ATRNL1: variants seen among roughly 807,000 people sequenced by gnomAD.
The protein encoded by ATRNL1 is attractin-like protein 1.
In ATRNL1, 95 loss-of-function variants were observed where a neutral mutation model predicts 182.7. That is an observed-to-expected ratio of 0.52 (90% CI 0.44 to 0.62). The LOEUF is 0.62. ATRNL1 is among the 20% of genes least tolerant of loss of function. The probability of loss-of-function intolerance (pLI) is 0.00; values close to 1 mark genes in which losing one functional copy is unlikely to be tolerated. For missense variants in ATRNL1, 1,471 were observed against 1,679.5 expected (o/e 0.88, Z 2.17); for synonymous variants, 576 against 568.3 (o/e 1.01, Z -0.19).
At chr10:115,327,934 G>A (rs1247862908) in intron 18 of ATRNL1, among the ~76,000 whole-genome samples, 1 of 151,550 alleles carries the variant, frequency 6.6e-6, no homozygotes, top group African/African-American at 2.4e-5. Context: ...GGGGACTGTT[G>A]TGGGGTGGGG....
In ATRNL1 at chr10:115,171,279, G is replaced by A. The variant is rs782405503; in HGVS notation, c.1335G>A (p.Gln445=). 1.9e-6 allele frequency: 3 copies of A among 1,585,990 alleles called. No individual in the cohort carries two copies. The South Asian group carries it at 3.4e-5, about 18-fold the overall frequency. The stretch of plus-strand genomic sequence containing the variant: ...TATATGGTTATACAAGCAGCATACA[G>A]GAATACCATATCTGTGAGTTACTTA... ...SAIYGYTSSI[Q]EYHISSNTWL... is the part of the protein sequence containing the mutation. The change falls in exon 8 of 29, where the codon CAG becomes CAA. Residue 445 remains glutamine, a synonymous_variant. Transcript: ENST00000355044.
chr10:115,312,718 C>T (rs750232067), intron 17 of ATRNL1, among the ~76,000 whole-genome samples: 9 of 152,088 alleles, frequency 5.9e-5, no homozygotes, highest in South Asian at 2.1e-4. Context: ...ATGTTTTTCT[C>T]TTTCTTTTAC....
chr10:115,518,018 A>G (rs183513332), intron 24 of ATRNL1, among the ~76,000 whole-genome samples: 1 of 152,058 alleles, frequency 6.6e-6, no homozygotes, highest in African/African-American at 2.4e-5. Context: ...TAGGAAATGA[A>G]TATTACTATA....
intron 1 of ATRNL1, among the ~76,000 whole-genome samples, chr10:115,098,793 T>C (rs1348046523): frequency 6.6e-6 from 1 of 152,130 alleles, no homozygotes. Context: ...CTTGTCTGAC[T>C]CTTCACACTA....
chr10:115,832,018 T>C (rs1315452737), intron 27 of ATRNL1, among the ~76,000 whole-genome samples: 8 of 152,166 alleles, frequency 5.3e-5, no homozygotes, highest in African/African-American at 1.9e-4. Context: ...TATGGAGCTA[T>C]TTACAGGATT....
At chr10:115,659,282 C>T (rs1555037008) in intron 26 of ATRNL1, among the ~76,000 whole-genome samples, 1 of 152,090 alleles carries the variant, frequency 6.6e-6, no homozygotes. Context: ...CTTTTGTGAA[C>T]CTTCCTCAAA....
intron 5 of ATRNL1, among the ~76,000 whole-genome samples, chr10:115,134,764 A>G (rs541506511): frequency 4.1e-4 from 63 of 152,364 alleles, no homozygotes; most frequent in African/African-American, 1.5e-3. Flanking sequence ...ATCTCTGATG[A>G]ACATCAATGC....
At position 115,712,959 on chromosome 10, in the gene ATRNL1, A is replaced by G. The variant is rs189480981; in HGVS notation, c.3796-14289A>G. Among the ~76,000 whole-genome samples the G allele has an allele frequency of 2.0e-5, 3 of 152,262 alleles. No individual in the cohort carries two copies. In the East Asian group the frequency reaches 5.8e-4, roughly 29 times the overall value. Reference sequence around the variant, plus strand: ...TTCATGCCTTCTCCTCCAAGACAGTATTTTTAAAACTTTAGTTTCCATTTA... The same window carrying G: ...TTCATGCCTTCTCCTCCAAGACAGTGTTTTTAAAACTTTAGTTTCCATTTA... On this transcript the variant is annotated intron_variant, in intron 26 of 28. Coordinates refer to ENST00000355044, the MANE Select transcript of ATRNL1 (RefSeq NM_207303.4).
intron 19 of ATRNL1, among the ~76,000 whole-genome samples, chr10:115,356,660 C>G (rs1476721174): frequency 6.6e-6 from 1 of 151,798 alleles, no homozygotes; most frequent in African/African-American, 2.4e-5. Flanking sequence ...GGGAACTTTG[C>G]CATGGCTTTA....
At chr10:115,770,004 AC>A (rs1384484084) in intron 27 of ATRNL1, among the ~76,000 whole-genome samples, 2 of 152,148 alleles carry the variant, frequency 1.3e-5, no homozygotes, top group Admixed American at 6.5e-5. Context: ...TCTCATTTGC[AC>A]AAGTCCCTTC....
chr10:115,578,994 C>T (rs1270210518), intron 26 of ATRNL1, among the ~76,000 whole-genome samples: 2 of 151,592 alleles, frequency 1.3e-5, no homozygotes, highest in African/African-American at 2.4e-5. Context: ...TTCATTTTCA[C>T]ATATTTGTGA....
intron 10 of ATRNL1, among the ~76,000 whole-genome samples, chr10:115,244,073 A>G (rs1233849476): frequency 2.0e-5 from 3 of 152,138 alleles, no homozygotes; most frequent in Admixed American, 1.3e-4. Flanking sequence ...GGAAATAGAT[A>G]TAAGCATTAT....
intron 8 of ATRNL1, among the ~76,000 whole-genome samples, chr10:115,177,594 T>C (rs1434620129): frequency 6.6e-6 from 1 of 152,134 alleles, no homozygotes; most frequent in East Asian, 1.9e-4. Flanking sequence ...CTGTCAGTTG[T>C]CAGTTGATGT....
intron 1 of ATRNL1, among the ~76,000 whole-genome samples, chr10:115,106,719 T>G (rs372386651): frequency 6.6e-6 from 1 of 152,176 alleles, no homozygotes; most frequent in Non-Finnish European, 1.5e-5. Flanking sequence ...GCCACTGCCA[T>G]GTAAGAAGTG....
chr10:115,226,367 T>A (rs940655166), intron 9 of ATRNL1, among the ~76,000 whole-genome samples: 3 of 152,144 alleles, frequency 2.0e-5, no homozygotes, highest in South Asian at 2.1e-4. Context: ...TAAATGGAAT[T>A]TGAGTAGTTT....
At chr10:115,096,856 A>T in intron 1 of ATRNL1, 2 of 1,102,350 alleles carry the variant, frequency 1.8e-6, no homozygotes, top group Non-Finnish European at 2.2e-6. Context: ...CAAAAGGAAC[A>T]TTGATTTTTC....
chr10:115,918,244 G>A (rs1055934843), intron 28 of ATRNL1, among the ~76,000 whole-genome samples: 3 of 152,022 alleles, frequency 2.0e-5, no homozygotes, highest in Admixed American at 6.6e-5. Flanking sequence ...GGGATTACAA[G>A]CGTGCACCAC....
intron 25 of ATRNL1, among the ~76,000 whole-genome samples, chr10:115,534,566 C>G (rs1372932969): frequency 2.0e-5 from 3 of 152,220 alleles, no homozygotes; most frequent in Non-Finnish European, 4.4e-5. Flanking sequence ...ATCCAGTTTG[C>G]CAGTCTGTGT....
chr10:115,598,284 T>G (rs891044223), intron 26 of ATRNL1, among the ~76,000 whole-genome samples: 1 of 151,548 alleles, frequency 6.6e-6, no homozygotes, highest in African/African-American at 2.4e-5. Context: ...TTTAAATTGA[T>G]AAATTGAGAA....
Sources: gnomAD v4.1 joint callset for allele counts (sites outside exome capture counted in the v4.1 genomes callset) on GRCh38, gnomAD v4.1.1 for gene constraint, MANE v1.5 for transcripts, NCBI Gene and HGNC (gene_info 2026-07-23, HGNC 2026-07-21) for gene names.